The following SEMA6D variants were observed in gnomAD, a reference collection of about 807,000 sequenced individuals.
SEMA6D encodes semaphorin-6D.
In SEMA6D, 35 loss-of-function variants were observed where a neutral mutation model predicts 106.6. The ratio of observed to expected loss-of-function variants is 0.33; its 90% CI spans 0.25 to 0.44. The LOEUF (loss-of-function observed/expected upper bound fraction) is 0.44, where lower values mean the gene tolerates loss of function less well. SEMA6D is among the 20% of genes least tolerant of loss of function. The pLI is 1.00. For synonymous variants in SEMA6D, 499 were observed against 487.7 expected (o/e 1.02, Z -0.31); for missense variants, 1,185 against 1,345.9 (o/e 0.88, Z 1.87).
chr15:47,197,066 T>TA (rs1407283686), intron 1 of SEMA6D, among the ~76,000 whole-genome samples: 1 of 152,204 alleles, frequency 6.6e-6, no homozygotes, highest in Non-Finnish European at 1.5e-5. Context: ...ATGGGGAATC[T>TA]AACCCTCCCC....
intron 3 of SEMA6D, among the ~76,000 whole-genome samples, chr15:47,494,295 C>T (rs1046993214): frequency 2.0e-5 from 3 of 152,088 alleles, no homozygotes; most frequent in Admixed American, 2.0e-4. Context: ...GAAATGTAAT[C>T]TTATACACTA....
chr15:47,452,839 T>C (rs984443394), intron 2 of SEMA6D, among the ~76,000 whole-genome samples: 6 of 151,992 alleles, frequency 3.9e-5, no homozygotes, highest in African/African-American at 1.4e-4. Flanking sequence ...CAATTTCTGT[T>C]CAGTAATTTA....
chr15:47,721,996 T>C (rs2079449376), intron 1 of SEMA6D, among the ~76,000 whole-genome samples: 1 of 152,142 alleles, frequency 6.6e-6, no homozygotes, highest in African/African-American at 2.4e-5. Flanking sequence ...TCTATACCAC[T>C]GGCAGTATTG....
chr15:47,603,179 G>T lies in SEMA6D; in HGVS notation c.-55+2283G>T, dbSNP rs140106322. ...TTCTTCATCATGGGGTAGGAGGGGA[G>T]AATTTGCAATCTGATGTCAATGGCT... On this transcript the variant is annotated intron_variant, in intron 4 of 19. Coordinates refer to the SEMA6D transcript ENST00000558014. 5.9e-4 allele frequency among the ~76,000 whole-genome samples: 90 copies of T among 152,234 alleles called. 3 individuals carry two copies. The East Asian group carries it at 0.011, about 19-fold the overall frequency.
intron 1 of SEMA6D, chr15:47,395,490 C>T (rs1004032260): frequency 5.9e-5 from 9 of 152,114 alleles, no homozygotes; most frequent in African/African-American, 1.9e-4. Flanking sequence ...AAAGACCCTT[C>T]GTTAATTATT....
At chr15:47,223,513 T>C (rs2031391448) in intron 1 of SEMA6D, among the ~76,000 whole-genome samples, 1 of 152,092 alleles carries the variant, frequency 6.6e-6, no homozygotes, top group Non-Finnish European at 1.5e-5. Context: ...TTTTCTTTTT[T>C]TTATTGAAGT....
At chr15:47,591,787 T>C (rs1363610098) in intron 3 of SEMA6D, among the ~76,000 whole-genome samples, 1 of 152,076 alleles carries the variant, frequency 6.6e-6, no homozygotes. Context: ...CTTCAGGATG[T>C]TGAGAGAATT....
chr15:47,559,195 G>A (rs1284868938), intron 3 of SEMA6D, among the ~76,000 whole-genome samples: 1 of 151,934 alleles, frequency 6.6e-6, no homozygotes, highest in Non-Finnish European at 1.5e-5. Flanking sequence ...GGAAATCAAG[G>A]ACACGAATAT....
intron 4 of SEMA6D, among the ~76,000 whole-genome samples, chr15:47,705,628 A>G (rs2078898482): frequency 1.3e-5 from 2 of 152,164 alleles, no homozygotes; most frequent in Non-Finnish European, 2.9e-5. Flanking sequence ...CTTCAAGCAG[A>G]GAATCACCTC....
intron 1 of SEMA6D, among the ~76,000 whole-genome samples, chr15:47,315,088 G>T (rs911714496): frequency 4.0e-5 from 6 of 151,630 alleles, no homozygotes; most frequent in African/African-American, 1.2e-4. Context: ...GGATGGTCTC[G>T]ATCTCCTGAC....
rs67443898 is a variant in SEMA6D, at chr15:47,552,804, A to AT, written c.-86-48061_-86-48060insT. Among the ~76,000 whole-genome samples, 72 of 29,620 alleles carry AT rather than the reference A, an allele frequency of 2.4e-3. 2 individuals carry two copies. Among genetic ancestry groups the AT allele is most frequent in the African/African-American group, 8.3e-3 (40 of 4,810 alleles). 19.4% of individuals were successfully genotyped at this position (29,620 alleles called of 152,430 possible). A position where few individuals can be genotyped will look rare whatever the true frequency, so the allele number is the denominator to read the frequency against. On this transcript the variant is annotated intron_variant, in intron 3 of 19. Transcript: ENST00000558014. Reference sequence around the variant, plus strand: ...TTTATATATATTTTTATATATATATAAAAATATATATAAATATATATATTT... The same window carrying AT: ...TTTATATATATTTTTATATATATATATAAAATATATATAAATATATATATTT...
chr15:47,518,581 G>A (rs924485595), intron 3 of SEMA6D, among the ~76,000 whole-genome samples: 6 of 152,080 alleles, frequency 3.9e-5, no homozygotes, highest in African/African-American at 9.7e-5. Flanking sequence ...TTAGAACAAC[G>A]GTAAGTATTT....
At chr15:47,696,997 ACCTAGG>A (rs1162196594) in intron 4 of SEMA6D, among the ~76,000 whole-genome samples, 8 of 152,096 alleles carry the variant, frequency 5.3e-5, no homozygotes, top group Admixed American at 1.3e-4. Context: ...TTTAAGTCCT[ACCTAGG>A]CCTCTACTGC....
intron 1 of SEMA6D, among the ~76,000 whole-genome samples, chr15:47,184,678 C>T (rs985304005): frequency 6.6e-5 from 10 of 152,118 alleles, no homozygotes; most frequent in Non-Finnish European, 1.2e-4. Flanking sequence ...TTGTGTCTTG[C>T]CCGATCCCGG....
intron 2 of SEMA6D, among the ~76,000 whole-genome samples, chr15:47,419,420 T>C (rs12438904): frequency 0.015 from 2,287 of 152,150 alleles, 61 homozygotes; most frequent in East Asian, 0.11. Context: ...AAAGTGATAA[T>C]GAGCCATATG....
At chr15:47,691,803 A>T (rs1312036051) in intron 4 of SEMA6D, among the ~76,000 whole-genome samples, 4 of 151,988 alleles carry the variant, frequency 2.6e-5, no homozygotes, top group Non-Finnish European at 5.9e-5. Context: ...CTGGTTTTAT[A>T]GTCCCAGCCC....
In SEMA6D at chr15:47,758,504, A is replaced by G. The variant is rs116859677; in HGVS notation, c.-54-1241A>G. On this transcript the variant is annotated intron_variant, in intron 1 of 18. Transcript: ENST00000536845. ...ACAGCTTCACAAAAATATCCATCTC[A>G]TTGACCCAACAGGGCCCTAATTCAT... 5.9e-3 allele frequency among the ~76,000 whole-genome samples: 905 copies of G among 152,256 alleles called. 5 individuals carry two copies. The highest frequency in any genetic ancestry group is 0.021 in the Admixed American group (316 of 15,270).
intron 1 of SEMA6D, among the ~76,000 whole-genome samples, chr15:47,213,966 T>C (rs973079217): frequency 2.6e-5 from 4 of 152,068 alleles, no homozygotes; most frequent in Admixed American, 2.6e-4. Context: ...CTCACTTGAA[T>C]GAGAAAGGTG....
intron 1 of SEMA6D, among the ~76,000 whole-genome samples, chr15:47,229,025 G>A (rs2032003234): frequency 6.6e-6 from 1 of 151,944 alleles, no homozygotes; most frequent in Admixed American, 6.6e-5. Context: ...ATCCCAAACT[G>A]TTACTTTACA....
Sources: gnomAD v4.1 joint callset for allele counts (sites outside exome capture counted in the v4.1 genomes callset) on GRCh38, gnomAD v4.1.1 for gene constraint, MANE v1.5 for transcripts, NCBI Gene and HGNC (gene_info 2026-07-23, HGNC 2026-07-21) for gene names.